GIGYF2: variants seen among roughly 807,000 people sequenced by gnomAD.
GIGYF2 encodes GRB10-interacting GYF protein 2.
In GIGYF2, 25 loss-of-function variants were observed where a neutral mutation model predicts 208.1. The observed-to-expected ratio is 0.12, with a 90% confidence interval of 0.09 to 0.17. The LOEUF is 0.17. Among genes scored for constraint, GIGYF2 ranks in the 10% least tolerant of loss-of-function variants. GIGYF2 has a pLI of 1.00. For missense variants in GIGYF2, 1,302 were observed against 1,579.4 expected, an observed-to-expected ratio of 0.82 and a Z score of 2.98; for synonymous variants, 534 against 543.8, an observed-to-expected ratio of 0.98 and a Z score of 0.25.
At chr2:232,763,042 G>A (rs1218421075) in intron 8 of GIGYF2, among the ~76,000 whole-genome samples, 1 of 152,050 alleles carries the variant, frequency 6.6e-6, no homozygotes, top group Non-Finnish European at 1.5e-5. Context: ...TTAAAGGTGT[G>A]TAGCATGAGG....
intron 26 of GIGYF2, 130 bp from the exon 27 acceptor site, chr2:232,847,218 C>T: frequency 3.4e-6 from 3 of 880,774 alleles, no homozygotes; most frequent in Non-Finnish European, 5.7e-6. Flanking sequence ...ACAATTGCTG[C>T]ATACTTACCA....
chr2:232,755,990 G>A lies in GIGYF2; in HGVS notation c.268-233G>A, dbSNP rs145770547. 2.1e-3 allele frequency among the ~76,000 whole-genome samples: 313 copies of A among 152,216 alleles called. 4 individuals carry two copies. Among genetic ancestry groups the A allele is most frequent in the African/African-American group, 7.2e-3 (298 of 41,522 alleles). On this transcript the variant is annotated intron_variant, in intron 5 of 28. Transcript: ENST00000373563. ...CAAACCTAGCATAGTGTAAGACATTGGTTGTCAATTTTGTTGATCTGAAAT... is the reference window on the plus strand; with the variant it reads ...CAAACCTAGCATAGTGTAAGACATTAGTTGTCAATTTTGTTGATCTGAAAT...
chr2:232,801,696 CATT>C (rs1337703622), intron 14 of GIGYF2, among the ~76,000 whole-genome samples: 1 of 152,108 alleles, frequency 6.6e-6, no homozygotes, highest in Non-Finnish European at 1.5e-5. Context: ...TAACTATAGT[CATT>C]GTTGCATGAT....
chr2:232,822,394 T>C (rs548285083), intron 21 of GIGYF2, among the ~76,000 whole-genome samples: 1 of 152,332 alleles, frequency 6.6e-6, no homozygotes, highest in South Asian at 2.1e-4. Flanking sequence ...AAGTTTATTT[T>C]CCAGCAGGCT....
At chr2:232,839,741 T>C (rs1701760321) in intron 22 of GIGYF2, 108 bp from the exon 23 acceptor site, 1 of 1,095,160 alleles carries the variant, frequency 9.1e-7, no homozygotes, top group South Asian at 1.3e-5. Flanking sequence ...ATGTGGTAAA[T>C]GGAGTTGAGA....
intron 18 of GIGYF2, among the ~76,000 whole-genome samples, chr2:232,814,995 C>A (rs1165815553): frequency 6.6e-6 from 1 of 152,186 alleles, no homozygotes; most frequent in Non-Finnish European, 1.5e-5. Flanking sequence ...TTGTTTACTT[C>A]CAAATGTGAT....
intron 8 of GIGYF2, among the ~76,000 whole-genome samples, chr2:232,778,434 G>C (rs1325807561): frequency 6.6e-6 from 1 of 152,164 alleles, no homozygotes; most frequent in Non-Finnish European, 1.5e-5. Context: ...TCTATAAACA[G>C]TGATTCCTAC....
intron 2 of GIGYF2, among the ~76,000 whole-genome samples, chr2:232,718,111 G>T (rs992008938): frequency 6.6e-6 from 1 of 151,864 alleles, no homozygotes; most frequent in East Asian, 1.9e-4. Context: ...TTTTTGAGAC[G>T]AATTCTCACT....
chr2:232,852,773 T>C (rs547243053), intron 28 of GIGYF2, among the ~76,000 whole-genome samples: 1 of 152,312 alleles, frequency 6.6e-6, no homozygotes, highest in South Asian at 2.1e-4. Context: ...AAATTCTAAC[T>C]GTGGGTTCTA....
intron 14 of GIGYF2, among the ~76,000 whole-genome samples, chr2:232,805,531 A>G (rs746584398): frequency 3.9e-5 from 6 of 152,198 alleles, no homozygotes; most frequent in African/African-American, 9.7e-5. Flanking sequence ...TTTGCATGAT[A>G]TATCTTTTTC....
chr2:232,856,545 G>T (rs1207253878), intron 28 of GIGYF2, among the ~76,000 whole-genome samples: 1 of 152,026 alleles, frequency 6.6e-6, no homozygotes, highest in East Asian at 1.9e-4. Context: ...CAAAAAAAAT[G>T]AGACGGGCAT....
intron 25 of GIGYF2, 67 bp downstream of exon 25, chr2:232,844,641 A>G: frequency 9.6e-7 from 1 of 1,047,006 alleles, no homozygotes; most frequent in African/African-American, 1.6e-5. Flanking sequence ...AGGAAGTGGG[A>G]TGTTGGGTGG....
intron 2 of GIGYF2, among the ~76,000 whole-genome samples, chr2:232,732,709 C>T (rs1274258666): frequency 2.0e-5 from 3 of 151,004 alleles, no homozygotes; most frequent in African/African-American, 4.9e-5. Context: ...GGTGCAATCA[C>T]GACTCATTGT....
chr2:232,716,401 CAG>C (rs1696683520), intron 2 of GIGYF2, among the ~76,000 whole-genome samples: 4 of 112,008 alleles, frequency 3.6e-5, no homozygotes, highest in Admixed American at 2.4e-4. Flanking sequence ...TTTTTTGAGA[CAG>C]AGTCTCACTC....
Position 232,858,358 on chromosome 2 carries a change from A to G in GIGYF2, c.*1498A>G, listed in dbSNP as rs1022850829. 1.2e-5 allele frequency: 5 copies of G among 410,038 alleles called. No homozygotes were observed. Among genetic ancestry groups the G allele is most frequent in the Non-Finnish European group, 2.4e-5 (5 of 211,022 alleles). 25.4% of individuals were successfully genotyped at this position (410,038 alleles called of 1,614,324 possible). A position where few individuals can be genotyped will look rare whatever the true frequency, so the allele number is the denominator to read the frequency against. ...ATTATTTTGGATCACCATTCTCCCT[A>G]TCCCTTCTTGCCTCCCTCCCTTCTA... is the stretch of plus-strand genomic sequence containing the variant. On this transcript the variant is annotated 3_prime_UTR_variant, in exon 29 of 29. Transcript: ENST00000373563.
rs140454883 is a variant in GIGYF2, at chr2:232,788,941, G to C, written c.712+1612G>C. 2.4e-3 allele frequency among the ~76,000 whole-genome samples: 369 copies of C among 152,038 alleles called. 1 individual carries two copies. Among genetic ancestry groups the C allele is most frequent in the Non-Finnish European group, 3.5e-3 (236 of 67,964 alleles). On this transcript the variant is annotated intron_variant, in intron 9 of 28. Transcript: ENST00000373563. ...AACAGTGTAAATGCATTTTAAAAAA[G>C]AATACGATTCACTTTTTAAACCCAG...
intron 21 of GIGYF2, among the ~76,000 whole-genome samples, chr2:232,831,991 C>A (rs7573208): frequency 0.64 from 97,339 of 151,982 alleles, 31,557 homozygotes; most frequent in African/African-American, 0.68. Flanking sequence ...CTTTGTCTGC[C>A]AGGAATAAGC....
At chr2:232,813,545 A>T (rs1700806459) in intron 18 of GIGYF2, among the ~76,000 whole-genome samples, 3 of 152,078 alleles carry the variant, frequency 2.0e-5, no homozygotes, top group Non-Finnish European at 2.9e-5. Flanking sequence ...ACTTGCAGAG[A>T]TGGATAGTTT....
At chr2:232,800,310 T>G (rs540603149) in intron 14 of GIGYF2, among the ~76,000 whole-genome samples, 7 of 152,320 alleles carry the variant, frequency 4.6e-5, no homozygotes, top group Admixed American at 2.6e-4. Context: ...AGTATGGTGT[T>G]AGGCAAGAAT....
Sources: allele counts gnomAD v4.1 joint callset (sites outside exome capture counted in the v4.1 genomes callset), GRCh38; gene constraint gnomAD v4.1.1; transcripts MANE v1.5; gene names NCBI Gene and HGNC (gene_info 2026-07-23, HGNC 2026-07-21).